The following CDK11B variants were observed in gnomAD, a reference collection of about 807,000 sequenced individuals.
The protein encoded by CDK11B is cyclin-dependent kinase 11B.
In CDK11B, 37 loss-of-function variants were observed where a neutral mutation model predicts 84.0. That is an observed-to-expected ratio of 0.44 (90% CI 0.34 to 0.58). The LOEUF (loss-of-function observed/expected upper bound fraction) is 0.58. Among genes scored for constraint, CDK11B ranks in the 20% least tolerant of loss-of-function variants. CDK11B has a pLI of 0.02. For synonymous variants in CDK11B, 269 were observed against 309.8 expected (o/e 0.87, Z 1.38); for missense variants, 427 against 834.0 (o/e 0.51, Z 6.01).
At chr1:1,658,203 G>A (rs1490463005) in intron 1 of CDK11B, among the ~76,000 whole-genome samples, 1 of 150,076 alleles carries the variant, frequency 6.7e-6, no homozygotes, top group African/African-American at 2.5e-5. Context: ...TTGTAAGCCA[G>A]GCAAGGTGGC....
intron 2 of CDK11B, 189 bp downstream of exon 2, chr1:1,657,185 TA>T (rs1642869773): frequency 6.2e-7 from 1 of 1,612,772 alleles, no homozygotes; most frequent in African/African-American, 1.3e-5. Context: ...TTTAGTGTGT[TA>T]AATCTGCCTT....
chr1:1,649,569 C>A lies in CDK11B; in HGVS notation c.424G>T (p.Asp142Tyr). 23 of 1,606,478 alleles carry A rather than the reference C, an allele frequency of 1.4e-5. No homozygotes were observed. The highest frequency in any genetic ancestry group is 2.0e-5 in the Non-Finnish European group (23 of 1,173,158). Residue 142 changes from aspartate (D) to tyrosine (Y), a missense_variant, in exon 5 of 20, where the codon GAT (aspartate) becomes TAT (tyrosine). Around this residue, in one of 12 missense-constraint regions of CDK11B, gnomAD observed 71 missense variants for 66.2 expected, o/e 1.07. Coordinates refer to ENST00000341832, the MANE Select transcript of CDK11B (RefSeq NM_033486.3). ...CTTTCCCATTCCCGGCGAGCTTTAT[C>A]CTGTTCTTCTCGATGCCGTTTCCGA... ...ERRKRHREEQ[D>Y]KARREWERQK...
rs1336294923 is a variant in CDK11B at position 1,636,766 on chromosome 1, C to T, written c.1833G>A (p.Val611=). Residue 611 remains valine (V), a synonymous_variant, in exon 17 of 20, where the codon GTG becomes GTA. Coordinates refer to ENST00000341832, the MANE Select transcript of CDK11B (RefSeq NM_033486.3). ...EYSTAVDMWS[V]GCIFGELLTQ... ...TCAGCAGCTCCCCGAAGATGCAACC[C>T]ACTGACCACATGTCCACGGCCGTGG... 7 of 1,613,938 alleles carry T rather than the reference C, an allele frequency of 4.3e-6. No individual in the cohort carries two copies. The highest frequency in any genetic ancestry group is 5.9e-6 in the Non-Finnish European group (7 of 1,179,858).
At chr1:1,638,879 C>T (rs9442428) in intron 11 of CDK11B, among the ~76,000 whole-genome samples, 26,797 of 143,980 alleles carry the variant, frequency 0.19, 3,345 homozygotes, top group Middle Eastern at 0.29. Flanking sequence ...GGCAGGAGGA[C>T]TGCTTGAGCC....
intron 13 of CDK11B, 81 bp from the exon 14 acceptor site, chr1:1,637,594 A>G (rs1188566067): frequency 1.2e-6 from 2 of 1,609,142 alleles, no homozygotes; most frequent in Non-Finnish European, 1.7e-6. Flanking sequence ...GCTGAGGGAC[A>G]GTAAGGACCT....
intron 5 of CDK11B, among the ~76,000 whole-genome samples, chr1:1,647,818 G>A (rs1641369779): frequency 6.6e-6 from 1 of 152,180 alleles, no homozygotes; most frequent in Non-Finnish European, 1.5e-5. Context: ...TGGTGGGCAA[G>A]GCCACTGCCC....
intron 3 of CDK11B, among the ~76,000 whole-genome samples, chr1:1,654,820 G>T (rs773351410): frequency 6.6e-6 from 1 of 151,736 alleles, no homozygotes; most frequent in Non-Finnish European, 1.5e-5. Flanking sequence ...CACCACGCCC[G>T]GCTAATTTTC....
chr1:1,650,158 T>G (rs1641764565), intron 4 of CDK11B, among the ~76,000 whole-genome samples: 1 of 142,020 alleles, frequency 7.0e-6, no homozygotes, highest in Non-Finnish European at 1.5e-5. Flanking sequence ...TAGTCCCAGC[T>G]ACTCGGGAGG....
chr1:1,640,424 G>A lies in CDK11B; in HGVS notation c.1104C>T (p.Ser368=), dbSNP rs373009511. Residue 368 remains serine (S), a synonymous_variant, in exon 11 of 20, where the codon TCC becomes TCT. Coordinates refer to ENST00000341832, the MANE Select transcript of CDK11B (RefSeq NM_033486.3). ...VVPESRFDRD[S]GESEEAEEEV... is the part of the protein sequence containing the mutation. ...CTTCCTCTGCTTCTTCACTCTCCCC[G>A]GAATCTCGGTCGAACCGTGACTCTG... 2.5e-3 allele frequency: 4,040 copies of A among 1,613,540 alleles called. 62 individuals carry two copies. The East Asian group carries it at 0.067, about 27-fold the overall frequency.
At chr1:1,645,762 G>C (rs1250432120) in intron 5 of CDK11B, 2 of 337,100 alleles carry the variant, frequency 5.9e-6, no homozygotes, top group East Asian at 8.3e-5. Flanking sequence ...TCTGTGGTTA[G>C]ATGCATTCAC....
chr1:1,657,219 T>C, intron 2 of CDK11B, 156 bp downstream of exon 2: 3 of 1,613,974 alleles, frequency 1.9e-6, no homozygotes, highest in East Asian at 2.2e-5. Flanking sequence ...AATATTTGAA[T>C]GTTTTTGTTA....
chr1:1,639,201 A>G (rs1639868326), intron 11 of CDK11B, among the ~76,000 whole-genome samples: 1 of 151,676 alleles, frequency 6.6e-6, no homozygotes, highest in Non-Finnish European at 1.5e-5. Flanking sequence ...TCGGCCTCCA[A>G]AAGTGCTGGG....
chr1:1,648,852 C>T (rs4648607), intron 5 of CDK11B, among the ~76,000 whole-genome samples: 14,719 of 152,052 alleles, frequency 0.097, 1,198 homozygotes, highest in East Asian at 0.27. Context: ...TTACTGCAGC[C>T]TTGACCTCCA....
rs1463473414 is a variant in CDK11B, at chr1:1,650,066, C to G, written c.356-429G>C. Among the ~76,000 whole-genome samples, 12 of 150,476 alleles carry G rather than the reference C, an allele frequency of 8.0e-5. No individual in the cohort carries two copies. The South Asian group carries it at 1.1e-3, about 13-fold the overall frequency. Reference sequence around the variant, plus strand: ...AGGTGGGCGGATCACAAGGTCAGATCGGGACCATCCTGGCTAACACGGTGA... The same window carrying G: ...AGGTGGGCGGATCACAAGGTCAGATGGGGACCATCCTGGCTAACACGGTGA... On this transcript the variant is annotated intron_variant, in intron 4 of 19. Transcript: ENST00000341832.
rs1368437160 is a variant in CDK11B, at chr1:1,636,692, T to C, written c.1907A>G (p.Lys636Arg). The change falls in exon 17 of 20, where the codon AAG becomes AGG. Residue 636 changes from lysine to arginine, a missense_variant. By Grantham distance (26) the Lys-to-Arg change is conservative. Transcript: ENST00000341832. ...PGKSEIDQIN[K>R]VFKDLGTPSE... ...CAGGGCCAGACCCACCTTGAACACCTTGTTGATCTGATCGATTTCTGACTT... is the reference window on the plus strand; with the variant it reads ...CAGGGCCAGACCCACCTTGAACACCCTGTTGATCTGATCGATTTCTGACTT... 27 of 1,613,856 alleles carry C rather than the reference T, an allele frequency of 1.7e-5. No individual in the cohort carries two copies. The highest frequency in any genetic ancestry group is 2.0e-5 in the Non-Finnish European group (24 of 1,179,860).
At chr1:1,636,637 C>G (rs371147698) in intron 17 of CDK11B, 45 bp downstream of exon 17, 1 of 1,612,096 alleles carries the variant, frequency 6.2e-7, no homozygotes, top group East Asian at 2.2e-5. Context: ...ATTCCTGCAA[C>G]TCCTCCACAA....
intron 10 of CDK11B, 77 bp downstream of exon 10, chr1:1,640,971 G>A (rs1452519431): frequency 6.3e-7 from 1 of 1,597,610 alleles, no homozygotes; most frequent in African/African-American, 1.4e-5. Context: ...CGCTGCGCAG[G>A]ACCGGCTGTC....
In CDK11B at chr1:1,640,393, C is replaced by T. The variant is rs1640092033; in HGVS notation, c.1135G>A (p.Gly379Ser). 2 of 1,613,624 alleles carry T rather than the reference C, an allele frequency of 1.2e-6. No individual in the cohort carries two copies. Among genetic ancestry groups the T allele is most frequent in the Non-Finnish European group, 1.7e-6 (2 of 1,179,598 alleles). ...GESEEAEEEV[G>S]EGTPQSSALT... Reference sequence around the variant, plus strand: ...GCGCTGCTCTGCGGCGTTCCCTCACCCACTTCTTCCTCTGCTTCTTCACTC... The same window carrying T: ...GCGCTGCTCTGCGGCGTTCCCTCACTCACTTCTTCCTCTGCTTCTTCACTC... The change falls in exon 11 of 20, where the codon GGT becomes AGT. Residue 379 changes from glycine to serine, a missense_variant. By Grantham distance (56) the Gly-to-Ser change is moderately conservative. Coordinates refer to ENST00000341832, the MANE Select transcript of CDK11B (RefSeq NM_033486.3).
intron 5 of CDK11B, chr1:1,646,600 C>G (rs1641160388): frequency 5.9e-6 from 3 of 511,568 alleles, no homozygotes; most frequent in East Asian, 5.5e-5. Context: ...CACTTGCTAT[C>G]TGCAGTGCCT....
Sources: allele counts gnomAD v4.1 joint callset (sites outside exome capture counted in the v4.1 genomes callset), GRCh38; gene constraint gnomAD v4.1.1; regional missense constraint gnomAD v4.1.1; transcripts MANE v1.5; gene names NCBI Gene and HGNC (gene_info 2026-07-23, HGNC 2026-07-21).